Variants in GNB1 observed in about 807,000 individuals in gnomAD.
The protein encoded by GNB1 is guanine nucleotide-binding protein G(I)/G(S)/G(T) subunit beta-1.
In GNB1, 2 loss-of-function variants were observed where a neutral mutation model predicts 42.9. That is an observed-to-expected ratio of 0.05 (90% CI 0.02 to 0.15). GNB1 has a LOEUF of 0.15. Among genes scored for constraint, GNB1 ranks in the 10% least tolerant of loss-of-function variants. GNB1 has a pLI of 1.00. For missense variants in GNB1, 193 were observed against 462.2 expected, an observed-to-expected ratio of 0.42 and a Z score of 5.34; for synonymous variants, 183 against 174.7, an observed-to-expected ratio of 1.05 and a Z score of -0.38.
At chr1:1,850,423 G>A (rs1156422593) in intron 1 of GNB1, among the ~76,000 whole-genome samples, 4 of 151,866 alleles carry the variant, frequency 2.6e-5, no homozygotes, top group Admixed American at 6.6e-5. Context: ...GTGAGCCACC[G>A]CGCCCAGCCT....
chr1:1,882,067 G>A (rs773526076), intron 1 of GNB1, among the ~76,000 whole-genome samples: 8 of 152,112 alleles, frequency 5.3e-5, no homozygotes, highest in East Asian at 1.9e-4. Flanking sequence ...CTGTGCCTGC[G>A]TGTCAGGCTC....
intron 1 of GNB1, among the ~76,000 whole-genome samples, chr1:1,843,381 A>T (rs10907191): frequency 0.39 from 59,272 of 151,816 alleles, 14,277 homozygotes; most frequent in Admixed American, 0.55. Context: ...CACCATGCCC[A>T]GCTAATTAAA....
chr1:1,792,075 T>A (rs1376470642), intron 8 of GNB1, among the ~76,000 whole-genome samples: 2 of 152,094 alleles, frequency 1.3e-5, no homozygotes, highest in Admixed American at 6.5e-5. Flanking sequence ...AAAACCCACA[T>A]GGCCAGCTGA....
chr1:1,851,254 T>C (rs1647965543), intron 1 of GNB1, among the ~76,000 whole-genome samples: 1 of 151,892 alleles, frequency 6.6e-6, no homozygotes, highest in African/African-American at 2.4e-5. Flanking sequence ...CTACTAAAAA[T>C]ACAAAATTAG....
At chr1:1,811,552 C>T (rs918585907) in intron 5 of GNB1, among the ~76,000 whole-genome samples, 3 of 150,606 alleles carry the variant, frequency 2.0e-5, no homozygotes, top group Non-Finnish European at 4.4e-5. Flanking sequence ...AAAAATTAGC[C>T]GGGCGTGGTG....
At chr1:1,807,426 T>C (rs2100738429) in intron 5 of GNB1, among the ~76,000 whole-genome samples, 1 of 122,288 alleles carries the variant, frequency 8.2e-6, no homozygotes, top group South Asian at 2.7e-4. Context: ...ATTGCGCCAC[T>C]GCACTCTAGC....
chr1:1,836,983 A>C (rs938073085), intron 2 of GNB1, among the ~76,000 whole-genome samples: 1 of 150,810 alleles, frequency 6.6e-6, no homozygotes, highest in African/African-American at 2.4e-5. Flanking sequence ...CATAGTACCT[A>C]GCCAAAATTG....
At chr1:1,825,652 C>G (rs780568564) in intron 2 of GNB1, 153 bp from the exon 3 acceptor site, 1 of 514,990 alleles carries the variant, frequency 1.9e-6, no homozygotes, top group Non-Finnish European at 3.6e-6. Context: ...ATCACGAGGT[C>G]AGGAGATCGA....
At chr1:1,805,792 T>C (rs1356432277) in intron 6 of GNB1, among the ~76,000 whole-genome samples, 4 of 152,268 alleles carry the variant, frequency 2.6e-5, no homozygotes, top group African/African-American at 9.6e-5. Flanking sequence ...TCCACCTGCT[T>C]CAGCCTCCCA....
chr1:1,848,066 TACAG>T (rs1647768282), intron 1 of GNB1, among the ~76,000 whole-genome samples: 1 of 152,016 alleles, frequency 6.6e-6, no homozygotes, highest in Non-Finnish European at 1.5e-5. Flanking sequence ...GTTGCTATCA[TACAG>T]AAACTTTTTT....
intron 1 of GNB1, among the ~76,000 whole-genome samples, chr1:1,848,182 A>T (rs1003106026): frequency 6.6e-6 from 1 of 151,888 alleles, no homozygotes; most frequent in Non-Finnish European, 1.5e-5. Flanking sequence ...GTTCCAGACC[A>T]CCCTGGCCAA....
chr1:1,825,579 T>C, intron 2 of GNB1, 80 bp from the exon 3 acceptor site: 2 of 820,358 alleles, frequency 2.4e-6, no homozygotes, highest in Middle Eastern at 2.3e-4. Flanking sequence ...AAATTGAAAG[T>C]TTAAGGTGGG....
At chr1:1,793,191 G>T in intron 8 of GNB1, 54 bp downstream of exon 8, 1 of 1,057,214 alleles carries the variant, frequency 9.5e-7, no homozygotes, top group Non-Finnish European at 1.5e-6. Flanking sequence ...ACAGAGGAAT[G>T]TGCCAGGGGC....
intron 5 of GNB1, among the ~76,000 whole-genome samples, chr1:1,812,432 T>C (rs201776013): frequency 1.5e-5 from 2 of 134,824 alleles, no homozygotes; most frequent in Non-Finnish European, 3.3e-5. Flanking sequence ...ACACACACCC[T>C]CCCCCCAAAA....
intron 1 of GNB1, among the ~76,000 whole-genome samples, chr1:1,877,075 C>T (rs1471437811): frequency 2.6e-5 from 4 of 151,732 alleles, no homozygotes; most frequent in Non-Finnish European, 5.9e-5. Context: ...CCAAGGTGGG[C>T]GGATCACTTG....
At chr1:1,806,764 A>G (rs749351555) in intron 5 of GNB1, among the ~76,000 whole-genome samples, 1 of 152,156 alleles carries the variant, frequency 6.6e-6, no homozygotes, top group Non-Finnish European at 1.5e-5. Flanking sequence ...ACATGAGGTC[A>G]GGAGTTCAAG....
At chr1:1,819,992 T>C (rs752953943) in intron 3 of GNB1, among the ~76,000 whole-genome samples, 25 of 152,296 alleles carry the variant, frequency 1.6e-4, no homozygotes, top group Non-Finnish European at 3.5e-4. Context: ...GTTCAGGCTT[T>C]TGGGGCAAAC....
intron 7 of GNB1, among the ~76,000 whole-genome samples, chr1:1,794,398 G>A (rs573654374): frequency 1.2e-3 from 187 of 152,216 alleles, no homozygotes; most frequent in African/African-American, 4.4e-3. Flanking sequence ...TATTTACTGT[G>A]GAACTAAAAG....
chr1:1,830,887 G>A (rs1200121754), intron 2 of GNB1, among the ~76,000 whole-genome samples: 7 of 152,140 alleles, frequency 4.6e-5, no homozygotes, highest in Admixed American at 4.6e-4. Flanking sequence ...GATGCAGCCA[G>A]GTGCAATGGC....
Sources: gnomAD v4.1 joint callset for allele counts (sites outside exome capture counted in the v4.1 genomes callset) on GRCh38, gnomAD v4.1.1 for gene constraint, MANE v1.5 for transcripts, NCBI Gene and HGNC (gene_info 2026-07-23, HGNC 2026-07-21) for gene names.